The following NTRK3 variants were observed in gnomAD, a reference collection of about 807,000 sequenced individuals.
The protein encoded by NTRK3 is neurotrophic receptor tyrosine kinase 3, also known as NT-3 growth factor receptor.
In NTRK3, 24 loss-of-function variants were observed where a neutral mutation model predicts 91.7. The observed-to-expected ratio is 0.26, with a 90% CI of 0.19 to 0.37. The LOEUF (loss-of-function observed/expected upper bound fraction) is 0.37. Among genes scored for constraint, NTRK3 ranks in the 10% least tolerant of loss-of-function variants. The pLI, the probability that NTRK3 is intolerant of heterozygous loss-of-function variation, is 1.00. For missense variants in NTRK3, 880 were observed against 1,068.9 expected (o/e 0.82, Z 2.46); for synonymous variants, 483 against 404.0 (o/e 1.20, Z -2.34).
At position 87,895,903 on chromosome 15, in the gene NTRK3, T is replaced by C. The variant is rs189639164; in HGVS notation, c.2134-15475A>G. On this transcript the variant is annotated intron_variant, in intron 17 of 18. Coordinates refer to ENST00000394480, the Ensembl canonical transcript of NTRK3. ...GAACATTCCTTCCCATTGATCCAGA[T>C]CTTCAGATAAATTCAACCAATTGTC... 1.8e-3 allele frequency among the ~76,000 whole-genome samples: 270 copies of C among 152,154 alleles called. 1 individual carries two copies. The highest frequency in any genetic ancestry group is 3.4e-3 in the Non-Finnish European group (233 of 68,006).
exon 19 of NTRK3, chr15:87,870,322 G>T (rs2064794014): frequency 5.2e-6 from 1 of 192,216 alleles, no homozygotes; most frequent in South Asian, 1.9e-4. Flanking sequence ...TCTAAGTGAA[G>T]CAATTCAGGA....
chr15:88,236,325 T>C (rs1363812344), intron 3 of NTRK3, among the ~76,000 whole-genome samples: 2 of 152,126 alleles, frequency 1.3e-5, no homozygotes, highest in African/African-American at 2.4e-5. Context: ...ACAGATATTA[T>C]ATGATTCCAT....
intron 5 of NTRK3, among the ~76,000 whole-genome samples, chr15:88,170,286 G>A (rs148132936): frequency 6.0e-4 from 91 of 152,312 alleles, no homozygotes; most frequent in African/African-American, 2.0e-3. Context: ...ATTTGCATCA[G>A]CAACATTTTT....
chr15:87,991,360 A>C (rs1252916250), intron 14 of NTRK3, among the ~76,000 whole-genome samples: 4 of 152,164 alleles, frequency 2.6e-5, no homozygotes, highest in Non-Finnish European at 1.5e-5. Context: ...ATTTTAACAG[A>C]ATCCTCAGAT....
At chr15:87,979,646 G>A (rs1162887832) in intron 14 of NTRK3, among the ~76,000 whole-genome samples, 1 of 152,124 alleles carries the variant, frequency 6.6e-6, no homozygotes, top group Non-Finnish European at 1.5e-5. Context: ...CAGAGAAACT[G>A]GAAACACTCC....
chr15:87,932,917 G>A, intron 16 of NTRK3, 95 bp downstream of exon 16: 4 of 1,241,610 alleles, frequency 3.2e-6, no homozygotes, highest in Non-Finnish European at 4.7e-6. Context: ...AGAGGAAAGT[G>A]TTTAGAGGGG....
rs1448837447 is a variant in NTRK3, at chr15:88,229,321, C to G, written c.248+26585G>C. 3.9e-5 allele frequency among the ~76,000 whole-genome samples: 6 copies of G among 152,084 alleles called. 1 individual carries two copies. Among genetic ancestry groups the G allele is most frequent in the African/African-American group, 1.4e-4 (6 of 41,406 alleles). The stretch of plus-strand genomic sequence containing the variant: ...CATGACTTATCCAACATCCTAGAGC[C>G]CATGAGCAGGAGAACTAGGATCAAA... On this transcript the variant is annotated intron_variant, in intron 3 of 18. Transcript: ENST00000394480.
chr15:88,225,956 C>T (rs2050635376), intron 3 of NTRK3, among the ~76,000 whole-genome samples: 1 of 152,160 alleles, frequency 6.6e-6, no homozygotes, highest in Admixed American at 6.5e-5. Flanking sequence ...GACCCCAGAC[C>T]CTGGAGAGAT....
chr15:88,176,268 T>C (rs4887377), intron 5 of NTRK3, among the ~76,000 whole-genome samples: 49,466 of 151,378 alleles, frequency 0.33, 9,680 homozygotes, highest in African/African-American at 0.56. Context: ...TCCTGAGTAG[T>C]TGGGACTACA....
chr15:88,103,858 C>G (rs1023104006), intron 13 of NTRK3, among the ~76,000 whole-genome samples: 1 of 152,188 alleles, frequency 6.6e-6, no homozygotes, highest in Non-Finnish European at 1.5e-5. Context: ...ATAGGAGACT[C>G]TAGATATATC....
intron 13 of NTRK3, among the ~76,000 whole-genome samples, chr15:88,077,761 G>T (rs144981459): frequency 1.3e-5 from 2 of 152,200 alleles, no homozygotes; most frequent in Non-Finnish European, 2.9e-5. Flanking sequence ...CTGTCACGGA[G>T]TTGGGATGTG....
chr15:88,000,680 A>C (rs1310910976), intron 14 of NTRK3, among the ~76,000 whole-genome samples: 1 of 152,240 alleles, frequency 6.6e-6, no homozygotes, highest in Non-Finnish European at 1.5e-5. Context: ...TGTTGTAGCA[A>C]GTACCAATAC....
intron 3 of NTRK3, among the ~76,000 whole-genome samples, chr15:88,207,767 C>T (rs538456216): frequency 1.3e-5 from 2 of 152,270 alleles, no homozygotes; most frequent in African/African-American, 4.8e-5. Context: ...CAGCATCACC[C>T]TCAAACACAG....
chr15:87,869,990 T>G lies in NTRK3; in HGVS notation c.*6945A>C, dbSNP rs1008439358. The stretch of plus-strand genomic sequence containing the variant: ...TACACGTCTTGTTGGGTTTTAGGGA[T>G]GTTGCATGTAAAAGAATGTCAGTAA... On this transcript the variant is annotated 3_prime_UTR_variant, in exon 19 of 19. Coordinates refer to ENST00000394480, the Ensembl canonical transcript of NTRK3. The G allele has an allele frequency of 1.6e-5, 3 of 192,926 alleles. No individual in the cohort carries two copies. In the East Asian group the frequency reaches 2.4e-4, roughly 16 times the overall value. The allele number at this position is 192,926 out of a possible 1,614,324, so 12.0% of individuals were successfully genotyped here.
At chr15:87,988,795 C>T (rs1430221127) in intron 14 of NTRK3, among the ~76,000 whole-genome samples, 1 of 152,114 alleles carries the variant, frequency 6.6e-6, no homozygotes, top group Non-Finnish European at 1.5e-5. Context: ...TCTGTCTTTC[C>T]AATTCTTTTA....
At chr15:87,942,092 G>A (rs990759263) in intron 14 of NTRK3, among the ~76,000 whole-genome samples, 5 of 152,164 alleles carry the variant, frequency 3.3e-5, no homozygotes, top group African/African-American at 1.2e-4. Context: ...TTTGGTTTGG[G>A]GATTCCTTTA....
intron 3 of NTRK3, among the ~76,000 whole-genome samples, chr15:88,250,866 T>A (rs548976823): frequency 3.5e-4 from 53 of 152,392 alleles, no homozygotes; most frequent in African/African-American, 1.3e-3. Flanking sequence ...TATCTATACA[T>A]TAAATATGAA....
intron 13 of NTRK3, among the ~76,000 whole-genome samples, chr15:88,093,816 G>GT: frequency 6.6e-6 from 1 of 152,114 alleles, no homozygotes; most frequent in East Asian, 1.9e-4. Flanking sequence ...TGGGCCTCAA[G>GT]CGGGGGGGTT....
intron 5 of NTRK3, among the ~76,000 whole-genome samples, chr15:88,162,436 A>G (rs2044544446): frequency 6.6e-6 from 1 of 152,210 alleles, no homozygotes; most frequent in South Asian, 2.1e-4. Context: ...TCCAAAGCCA[A>G]CTGTGAATGA....
Sources: gnomAD v4.1 joint callset for allele counts (sites outside exome capture counted in the v4.1 genomes callset) on GRCh38, gnomAD v4.1.1 for gene constraint, MANE v1.5 for transcripts, NCBI Gene and HGNC (gene_info 2026-07-23, HGNC 2026-07-21) for gene names.